The following NOP10 variants were observed in gnomAD, a reference collection of about 807,000 sequenced individuals.
NOP10 encodes the protein H/ACA ribonucleoprotein complex subunit 3.
A neutral mutation model predicts 9.5 loss-of-function variants in NOP10; 6 were observed. That is an observed-to-expected ratio of 0.63 (90% CI 0.35 to 1.25). NOP10 has a LOEUF of 1.25. Among genes scored for constraint, NOP10 ranks in the 50% most tolerant of loss-of-function variants. The probability of loss-of-function intolerance (pLI) is 0.03; values close to 1 mark genes in which losing one functional copy is unlikely to be tolerated. For missense variants in NOP10, 75 were observed against 81.3 expected, an observed-to-expected ratio of 0.92 and a Z score of 0.30; for synonymous variants, 28 against 30.7, an observed-to-expected ratio of 0.91 and a Z score of 0.29.
At position 34,341,811 on chromosome 15, in the gene NOP10, A is replaced by G; in HGVS notation, c.*157T>C. 4 of 754,818 alleles carry G rather than the reference A, an allele frequency of 5.3e-6. No homozygotes were observed. The highest frequency in any genetic ancestry group is 9.3e-6 in the Non-Finnish European group (4 of 428,894). 46.8% of individuals were successfully genotyped at this position (754,818 alleles called of 1,614,324 possible). ...TGTTCCCTTTATGGGTGATGCCACC[A>G]TGATTGCCTCACACAAGCATAATCA... On this transcript the variant is annotated 3_prime_UTR_variant, in exon 2 of 2. Transcript: ENST00000328848.
rs970805609 is a variant in NOP10, at chr15:34,341,854, G to T, written c.*114C>A. 19 of 1,058,152 alleles carry T rather than the reference G, an allele frequency of 1.8e-5. 1 individual carries two copies. In the Middle Eastern group the frequency reaches 8.8e-4, roughly 49 times the overall value. The allele number at this position is 1,058,152 out of a possible 1,614,324, so 65.5% of individuals were successfully genotyped here. ...CATAATCAATCGCCACGAGAGACTG[G>T]ATGCCAAAGAGTATGGCTGGCAAAA... On this transcript the variant is annotated 3_prime_UTR_variant, in exon 2 of 2. Transcript: ENST00000328848.
At chr15:34,342,888 G>T in intron 1 of NOP10, 132 bp downstream of exon 1, 1 of 888,962 alleles carries the variant, frequency 1.1e-6, no homozygotes, top group East Asian at 2.4e-5. Flanking sequence ...GCGCGGTCCC[G>T]GTTCTTCCCC....
At chr15:34,342,881 C>T in intron 1 of NOP10, 139 bp downstream of exon 1, 1 of 816,706 alleles carries the variant, frequency 1.2e-6, no homozygotes, top group African/African-American at 1.7e-5. Context: ...ATGAGTCGCG[C>T]GGTCCCGGTT....
At chr15:34,342,984 C>T in intron 1 of NOP10, 36 bp downstream of exon 1, 12 of 1,593,256 alleles carry the variant, frequency 7.5e-6, no homozygotes, top group East Asian at 4.5e-5. Context: ...CTACATTTCT[C>T]GCCATGCCTA....
At chr15:34,342,201 C>A in intron 1 of NOP10, 93 bp from the exon 2 acceptor site, 1 of 1,078,430 alleles carries the variant, frequency 9.3e-7, no homozygotes, top group African/African-American at 1.6e-5. Context: ...ATAGAAGATG[C>A]AATGGTCAAC....
chr15:34,343,130 G>C lies in NOP10; in HGVS notation c.-57C>G. 6.6e-7 allele frequency: 1 copy of C among 1,512,686 alleles called. No individual in the cohort carries two copies. The highest frequency in any genetic ancestry group is 1.1e-5 in the South Asian group (1 of 89,004). 93.7% of individuals were successfully genotyped at this position (1,512,686 alleles called of 1,614,324 possible). A position where few individuals can be genotyped will look rare whatever the true frequency, so the allele number is the denominator to read the frequency against. On this transcript the variant is annotated 5_prime_UTR_variant, in exon 1 of 2. Coordinates refer to ENST00000328848, the MANE Select transcript of NOP10 (RefSeq NM_018648.4). Reference sequence around the variant, plus strand: ...TCCACCGCTCAGTCTGCAGTGGTCCGCCCGACCGCGTCACGTGTTCGTCAA... The same window carrying C: ...TCCACCGCTCAGTCTGCAGTGGTCCCCCCGACCGCGTCACGTGTTCGTCAA...
In NOP10 at chr15:34,341,845, G is replaced by A. The variant is rs554752787; in HGVS notation, c.*123C>T. ...TCACACAAGCATAATCAATCGCCAC[G>A]AGAGACTGGATGCCAAAGAGTATGG... On this transcript the variant is annotated 3_prime_UTR_variant, in exon 2 of 2. Transcript: ENST00000328848. 7 of 984,520 alleles carry A rather than the reference G, an allele frequency of 7.1e-6. No individual in the cohort carries two copies. The highest frequency in any genetic ancestry group is 2.6e-5 in the East Asian group (1 of 38,606). 61.0% of individuals were successfully genotyped at this position (984,520 alleles called of 1,614,324 possible). A position where few individuals can be genotyped will look rare whatever the true frequency, so the allele number is the denominator to read the frequency against.
rs1253967889 is a variant in NOP10 at position 34,342,477 on chromosome 15, T to C, written c.55-369A>G. ...TACTCGGGAGGCTGAGGCAGAAGGA[T>C]TGTTTGAGCCCAGGAGGCGGAGGTT... On this transcript the variant is annotated intron_variant, in intron 1 of 1. Transcript: ENST00000328848. 3.3e-5 allele frequency among the ~76,000 whole-genome samples: 5 copies of C among 149,646 alleles called. No homozygotes were observed. The East Asian group carries it at 7.9e-4, about 24-fold the overall frequency.
chr15:34,342,949 G>A (rs1452431835), intron 1 of NOP10, 71 bp downstream of exon 1: 1 of 1,410,750 alleles, frequency 7.1e-7, no homozygotes, highest in African/African-American at 1.4e-5. Flanking sequence ...GTAACTCCAC[G>A]TATGACCTCA....
rs370894572 is a variant in NOP10, at chr15:34,343,043, C to T, written c.31G>A (p.Gly11Arg). 2.4e-5 allele frequency: 39 copies of T among 1,614,008 alleles called. No individual in the cohort carries two copies. The highest frequency in any genetic ancestry group is 1.6e-4 in the Middle Eastern group (1 of 6,084). ...ACCTTCAGCGTATAGACTCGATCTC[C>T]CTGCTCGTTGAGGTAATACTGGAGA... Reference protein sequence around the residue: MFLQYYLNEQGDRVYTLKKFD... With the variant: MFLQYYLNEQRDRVYTLKKFD... Residue 11 changes from glycine (G) to arginine (R), a missense_variant, in exon 1 of 2, where the codon GGA becomes AGA. Gly to Arg is a moderately radical substitution (Grantham distance 125). Coordinates refer to ENST00000328848, the MANE Select transcript of NOP10 (RefSeq NM_018648.4).
Position 34,342,097 on chromosome 15 carries a change from C to A in NOP10, c.66G>T (p.Pro22=). The A allele has an allele frequency of 1.2e-6, 2 of 1,613,864 alleles. No individual in the cohort carries two copies. The highest frequency in any genetic ancestry group is 1.7e-6 in the Non-Finnish European group (2 of 1,179,948). The part of the protein sequence containing the change: ...DRVYTLKKFD[P]MGQQTCSAHP... ...GGGCTGAGCAGGTCTGTTGTCCCAT[C>A]GGGTCAAATTTCTGCTCCAGGAACA... Residue 22 remains proline, a synonymous_variant, in exon 2 of 2, where the codon CCG becomes CCT. Transcript: ENST00000328848.
Position 34,341,883 on chromosome 15 carries a change from C to T in NOP10, c.*85G>A, listed in dbSNP as rs1293463668. 1.4e-6 allele frequency: 2 copies of T among 1,396,360 alleles called. No homozygotes were observed. Among genetic ancestry groups the T allele is most frequent in the African/African-American group, 2.8e-5 (2 of 70,472 alleles). The allele number at this position is 1,396,360 out of a possible 1,614,324, so 86.5% of individuals were successfully genotyped here. On this transcript the variant is annotated 3_prime_UTR_variant, in exon 2 of 2. Coordinates refer to ENST00000328848, the MANE Select transcript of NOP10 (RefSeq NM_018648.4). Reference sequence around the variant, plus strand: ...CCAAAGAGTATGGCTGGCAAAAAGGCATCAGGGCTCACAGTCCGAAGAGTT... The same window carrying T: ...CCAAAGAGTATGGCTGGCAAAAAGGTATCAGGGCTCACAGTCCGAAGAGTT...
At chr15:34,342,142 G>A (rs753180697) in intron 1 of NOP10, 34 bp from the exon 2 acceptor site, 1 of 1,611,398 alleles carries the variant, frequency 6.2e-7, no homozygotes, top group Non-Finnish European at 8.5e-7. Context: ...TGTCAGTACA[G>A]GAGTGATGAA....
rs762158306 is a variant in NOP10 at position 34,341,977 on chromosome 15, A to G, written c.186T>C (p.Pro62=). The change falls in exon 2 of 2, where the codon CCT becomes CCC. Residue 62 remains proline (P), a synonymous_variant. Coordinates refer to ENST00000328848, the MANE Select transcript of NOP10 (RefSeq NM_018648.4). The stretch of plus-strand genomic sequence containing the variant: ...TCAGTTTAAGGGACCCTCAGAGGAC[A>G]GGGCGCGGTTGCTGGGTCATGAGCA... ...FKVLMTQQPR[P]VL is the part of the protein sequence containing the mutation. 4.3e-6 allele frequency: 7 copies of G among 1,614,036 alleles called. No individual in the cohort carries two copies. The highest frequency in any genetic ancestry group is 4.5e-5 in the East Asian group (2 of 44,874).
At chr15:34,342,577 A>AG (rs1290042414) in intron 1 of NOP10, among the ~76,000 whole-genome samples, 1 of 151,114 alleles carries the variant, frequency 6.6e-6, no homozygotes, top group Non-Finnish European at 1.5e-5. Context: ...AAAAAAAAAA[A>AG]AAAAAAAAAA....
intron 1 of NOP10, 27 bp downstream of exon 1, chr15:34,342,993 T>C (rs200128951): frequency 5.6e-6 from 9 of 1,606,814 alleles, no homozygotes; most frequent in Non-Finnish European, 7.7e-6. Context: ...TCGCCATGCC[T>C]ATTTACACCC....
chr15:34,341,900 C>G lies in NOP10; in HGVS notation c.*68G>C. The G allele has an allele frequency of 6.5e-7, 1 of 1,546,056 alleles. No homozygotes were observed. On this transcript the variant is annotated 3_prime_UTR_variant, in exon 2 of 2. Transcript: ENST00000328848. ...CAAAAAGGCATCAGGGCTCACAGTC[C>G]GAAGAGTTTGGTTACGGAGTCTCCG...
rs1376457903 is a variant in NOP10, at chr15:34,341,768, A to AG, written c.*199dup. 2.9e-5 allele frequency: 18 copies of AG among 617,512 alleles called. No homozygotes were observed. Among genetic ancestry groups the AG allele is most frequent in the South Asian group, 2.7e-4 (15 of 55,732 alleles). The allele number at this position is 617,512 out of a possible 1,614,324, so 38.3% of individuals were successfully genotyped here. ...TAATCTTGTAGTAATTTAAAATATG[A>AG]GAAAAAAAAGTCAAATGTGTTCCCT... On this transcript the variant is annotated 3_prime_UTR_variant, in exon 2 of 2. Transcript: ENST00000328848.
Position 34,343,049 on chromosome 15 carries a change from C to T in NOP10, c.25G>A (p.Glu9Lys), listed in dbSNP as rs752630312. The T allele has an allele frequency of 5.0e-6, 8 of 1,614,034 alleles. No individual in the cohort carries two copies. The highest frequency in any genetic ancestry group is 2.2e-5 in the East Asian group (1 of 44,894). Residue 9 changes from glutamate to lysine, a missense_variant, in exon 1 of 2, where the codon GAG becomes AAG. Coordinates refer to ENST00000328848, the MANE Select transcript of NOP10 (RefSeq NM_018648.4). Reference protein sequence around the residue: MFLQYYLNEQGDRVYTLKK... With the variant: MFLQYYLNKQGDRVYTLKK... ...AGCGTATAGACTCGATCTCCCTGCTCGTTGAGGTAATACTGGAGAAACATG... is the reference window on the plus strand; with the variant it reads ...AGCGTATAGACTCGATCTCCCTGCTTGTTGAGGTAATACTGGAGAAACATG...
Sources: allele counts gnomAD v4.1 joint callset (sites outside exome capture counted in the v4.1 genomes callset), GRCh38; gene constraint gnomAD v4.1.1; transcripts MANE v1.5; gene names NCBI Gene and HGNC (gene_info 2026-07-23, HGNC 2026-07-21).